The following TANC1 variants were observed in gnomAD, a reference collection of about 807,000 sequenced individuals.
The protein encoded by TANC1 is protein TANC1.
A neutral mutation model predicts 149.7 loss-of-function variants in TANC1; 77 were observed. That is an observed-to-expected ratio of 0.51 (90% CI 0.43 to 0.62). TANC1 has a LOEUF of 0.62. TANC1 is among the 20% of genes least tolerant of loss of function. The pLI is 0.00. For missense variants in TANC1, 1,985 were observed against 2,321.8 expected, an observed-to-expected ratio of 0.85 and a Z score of 2.98; for synonymous variants, 854 against 925.0, an observed-to-expected ratio of 0.92 and a Z score of 1.39.
chr2:159,228,782 C>A lies in TANC1; in HGVS notation c.4051-14C>A, dbSNP rs765221774. 1.4e-5 allele frequency: 23 copies of A among 1,604,296 alleles called. No individual in the cohort carries two copies. In the Middle Eastern group the frequency reaches 6.6e-4, roughly 46 times the overall value. On this transcript the variant is annotated splice_polypyrimidine_tract_variant and intron_variant, in intron 25 of 26. Coordinates refer to ENST00000263635, the MANE Select transcript of TANC1 (RefSeq NM_033394.3). Reference sequence around the variant, plus strand: ...CAGGCTGCTTCTGACTCCTGTATTTCTTGTCGACACCAGGACTTTGGCATG... The same window carrying A: ...CAGGCTGCTTCTGACTCCTGTATTTATTGTCGACACCAGGACTTTGGCATG...
intron 4 of TANC1, among the ~76,000 whole-genome samples, chr2:159,110,251 G>T (rs2150016608): frequency 6.6e-6 from 1 of 152,298 alleles, no homozygotes; most frequent in South Asian, 2.1e-4. Context: ...TGCAAGCGAA[G>T]GATATATGTA....
rs200216556 is a variant in TANC1 at position 159,178,704 on chromosome 2, C to T, written c.2051C>T (p.Ala684Val). The change falls in exon 14 of 27, where the codon GCC becomes GTC. Residue 684 changes from alanine to valine, a missense_variant. By Grantham distance (64) the Ala-to-Val change is moderately conservative. Coordinates refer to ENST00000263635, the MANE Select transcript of TANC1 (RefSeq NM_033394.3). ...AGCAACATCTCCCTGAATGGCAAGG[C>T]CGATGCCACACTCATTGGAAAAGTG... ...ILSNISLNGK[A>V]DATLIGKVSS... The T allele has an allele frequency of 2.2e-3, 3,542 of 1,614,180 alleles. 5 individuals are homozygous for T. The highest frequency in any genetic ancestry group is 2.6e-3 in the Non-Finnish European group (3,127 of 1,180,034).
chr2:159,208,244 T>A (rs1175655585), intron 19 of TANC1, among the ~76,000 whole-genome samples: 6 of 152,254 alleles, frequency 3.9e-5, no homozygotes, highest in Non-Finnish European at 8.8e-5. Flanking sequence ...ATATAATATG[T>A]TAATGTATGC....
intron 3 of TANC1, among the ~76,000 whole-genome samples, chr2:159,093,611 C>G (rs754535760): frequency 5.9e-5 from 9 of 152,132 alleles, no homozygotes; most frequent in Non-Finnish European, 1.2e-4. Flanking sequence ...CTACTTTGTG[C>G]CTTTCTAATG....
In TANC1 at chr2:159,186,867, TGATTGTTTCCAAGATCTGTCTC is replaced by T. The variant is rs1263159681; in HGVS notation, c.2620-23_2620-2del. On this transcript the variant is annotated splice_polypyrimidine_tract_variant and intron_variant, in intron 15 of 26. Coordinates refer to ENST00000263635, the MANE Select transcript of TANC1 (RefSeq NM_033394.3). ...GGAGATGCTCAGGCAGATCTGTCTC[TGATTGTTTCCAAGATCTGTCTC>T]GATTGTTTCCAGGGCCTCAGTAAGA... The T allele has an allele frequency of 1.2e-6, 2 of 1,613,846 alleles. No homozygotes were observed. The highest frequency in any genetic ancestry group is 8.5e-7 in the Non-Finnish European group (1 of 1,179,844).
At chr2:159,202,999 C>G (rs1185002425) in intron 19 of TANC1, among the ~76,000 whole-genome samples, 1 of 152,144 alleles carries the variant, frequency 6.6e-6, no homozygotes, top group African/African-American at 2.4e-5. Context: ...CCAAGCCACA[C>G]TCAAGTGTGT....
intron 2 of TANC1, among the ~76,000 whole-genome samples, chr2:159,051,335 T>C (rs2041446839): frequency 6.6e-6 from 1 of 152,236 alleles, no homozygotes; most frequent in African/African-American, 2.4e-5. Flanking sequence ...TGTGTGTATG[T>C]ATGTGTGCAT....
At chr2:159,057,827 G>A (rs2041965203) in intron 2 of TANC1, among the ~76,000 whole-genome samples, 1 of 152,204 alleles carries the variant, frequency 6.6e-6, no homozygotes, top group East Asian at 1.9e-4. Context: ...TGATTCTGTG[G>A]TGTGTTTTGA....
At position 159,220,070 on chromosome 2, in the gene TANC1, T is replaced by G. The variant is rs539411985; in HGVS notation, c.3678+203T>G. On this transcript the variant is annotated intron_variant, in intron 22 of 26. Coordinates refer to ENST00000263635, the MANE Select transcript of TANC1 (RefSeq NM_033394.3). ...CTCTAATTCTGTGACATGCAGTCTA[T>G]TCCAGGACTTAAGATTTTAGTCGAC... 4.6e-5 allele frequency among the ~76,000 whole-genome samples: 7 copies of G among 151,960 alleles called. No individual in the cohort carries two copies. In the South Asian group the frequency reaches 1.5e-3, roughly 32 times the overall value.
intron 2 of TANC1, among the ~76,000 whole-genome samples, chr2:159,008,962 T>C (rs948092083): frequency 6.6e-6 from 1 of 152,014 alleles, no homozygotes; most frequent in African/African-American, 2.4e-5. Flanking sequence ...GGGATGATGG[T>C]TGGGGTAAGC....
chr2:158,976,104 G>C (rs1313037535), intron 1 of TANC1, among the ~76,000 whole-genome samples: 1 of 152,154 alleles, frequency 6.6e-6, no homozygotes, highest in Non-Finnish European at 1.5e-5. Flanking sequence ...AAAGTGCTGG[G>C]ATTACAGGTG....
At chr2:159,109,523 T>C (rs1172716627) in intron 4 of TANC1, among the ~76,000 whole-genome samples, 2 of 152,228 alleles carry the variant, frequency 1.3e-5, no homozygotes, top group African/African-American at 4.8e-5. Flanking sequence ...GCTCTTTCTG[T>C]TAGCCATGTG....
intron 2 of TANC1, among the ~76,000 whole-genome samples, chr2:159,052,046 C>T (rs186050247): frequency 1.5e-3 from 224 of 152,058 alleles, no homozygotes; most frequent in Non-Finnish European, 2.2e-3. Flanking sequence ...GCAGTGGGGG[C>T]GGGAGAGGCC....
intron 20 of TANC1, among the ~76,000 whole-genome samples, chr2:159,218,463 G>C (rs116507141): frequency 6.6e-6 from 1 of 152,140 alleles, no homozygotes; most frequent in Admixed American, 6.5e-5. Flanking sequence ...CCTAAGTCAC[G>C]GGGAATTTTG....
At chr2:159,225,505 G>A in intron 23 of TANC1, 183 bp from the exon 24 acceptor site, 2 of 611,878 alleles carry the variant, frequency 3.3e-6, no homozygotes, top group South Asian at 4.0e-5. Flanking sequence ...AGATTTGAGT[G>A]CCCAGGTCAG....
intron 4 of TANC1, among the ~76,000 whole-genome samples, chr2:159,099,633 G>A (rs2046472575): frequency 6.6e-6 from 1 of 152,100 alleles, no homozygotes; most frequent in African/African-American, 2.4e-5. Context: ...TAGCTAAGAA[G>A]CATGCTACTA....
chr2:159,217,326 T>C (rs58728911), intron 19 of TANC1, among the ~76,000 whole-genome samples, 171 bp from the exon 20 acceptor site: 6,148 of 152,220 alleles, frequency 0.04, 395 homozygotes, highest in African/African-American at 0.14. Context: ...GCACACAGAA[T>C]TGGTTCTGCT....
At chr2:159,195,674 A>T (rs766387386) in intron 17 of TANC1, among the ~76,000 whole-genome samples, 1 of 151,938 alleles carries the variant, frequency 6.6e-6, no homozygotes, top group African/African-American at 2.4e-5. Context: ...TGGAGAAGGA[A>T]ATGTGTGGCT....
Position 159,196,736 on chromosome 2 carries a change from G to A in TANC1, c.3108G>A (p.Arg1036=). The A allele has an allele frequency of 1.9e-6, 3 of 1,613,822 alleles. No homozygotes were observed. The highest frequency in any genetic ancestry group is 1.7e-6 in the Non-Finnish European group (2 of 1,179,992). The part of the protein sequence containing the change: ...SPGPPQPGTL[R]KSHALQQALT... The stretch of plus-strand genomic sequence containing the variant: ...GTCCTCCCCAGCCAGGCACCCTGAG[G>A]AAGAGCCACGCCCTGCAGCAGGCGC... Residue 1036 remains arginine, a synonymous_variant, in exon 18 of 27, where the codon AGG becomes AGA. Coordinates refer to ENST00000263635, the MANE Select transcript of TANC1 (RefSeq NM_033394.3).
Sources: gnomAD v4.1 joint callset for allele counts (sites outside exome capture counted in the v4.1 genomes callset) on GRCh38, gnomAD v4.1.1 for gene constraint, MANE v1.5 for transcripts, NCBI Gene and HGNC (gene_info 2026-07-23, HGNC 2026-07-21) for gene names.